EIF3B: variants seen among roughly 807,000 people sequenced by gnomAD.
EIF3B encodes eukaryotic translation initiation factor 3 subunit B, also known as eukaryotic translation initiation factor 3 subunit 9.
EIF3B carries 10 observed loss-of-function variants against 104.6 expected under a neutral mutation model. That is an observed-to-expected ratio of 0.10 (90% CI 0.06 to 0.16). EIF3B has a LOEUF of 0.16. EIF3B is among the 10% of genes least tolerant of loss of function. The pLI is 1.00. For synonymous variants in EIF3B, 542 were observed against 417.2 expected (o/e 1.30, Z -3.65); for missense variants, 1,014 against 1,087.9 (o/e 0.93, Z 0.96).
chr7:2,363,161 A>G, intron 4 of EIF3B, 34 bp downstream of exon 4: 1 of 1,606,790 alleles, frequency 6.2e-7, no homozygotes, highest in Non-Finnish European at 8.5e-7. Flanking sequence ...TCAGTGGTTT[A>G]AAGAAATGCT....
At chr7:2,371,377 T>C (rs1037040704) in intron 10 of EIF3B, among the ~76,000 whole-genome samples, 2 of 152,224 alleles carry the variant, frequency 1.3e-5, no homozygotes, top group East Asian at 1.9e-4. Flanking sequence ...GCAGGACTTC[T>C]TGAAGGTTAT....
Position 2,355,362 on chromosome 7 carries a change from C to A in EIF3B, c.441C>A (p.Asp147Glu). 1 of 1,536,700 alleles carries A rather than the reference C, an allele frequency of 6.5e-7. No individual in the cohort carries two copies. Residue 147 changes from aspartate to glutamate, a missense_variant, in exon 1 of 19, where the codon GAC (aspartate) becomes GAA (glutamate). Asp to Glu is a conservative substitution (Grantham distance 45). Coordinates refer to ENST00000360876, the MANE Select transcript of EIF3B (RefSeq NM_001037283.2). ...EAEPRALENGDADEPSFSDPE... is the reference protein window; with the variant it reads ...EAEPRALENGEADEPSFSDPE... ...AACCCCGGGCGCTGGAGAACGGCGA[C>A]GCGGACGAGCCCTCCTTCAGCGACC...
At position 2,372,678 on chromosome 7, in the gene EIF3B, A is replaced by G. The variant is rs764702745; in HGVS notation, c.1693A>G (p.Ile565Val). ...GTCTGTTTTGTGCATTTTAGAAACC[A>G]TCATAGCCTTTGCCTGGGAACCAAA... ...PVDVVEMKET[I>V]IAFAWEPNGS... Residue 565 changes from isoleucine (I) to valine (V), a missense_variant, in exon 12 of 19, where the codon ATC (isoleucine) becomes GTC (valine). Transcript: ENST00000360876. The G allele has an allele frequency of 1.9e-6, 3 of 1,614,030 alleles. No individual in the cohort carries two copies. Among genetic ancestry groups the G allele is most frequent in the South Asian group, 1.1e-5 (1 of 91,068 alleles).
Position 2,372,770 on chromosome 7 carries a change from A to C in EIF3B, c.1785A>C (p.Lys595Asn). The change falls in exon 12 of 19, where the codon AAA (lysine) becomes AAC (asparagine). Residue 595 changes from lysine to asparagine, a missense_variant. Lys to Asn is a moderately conservative substitution (Grantham distance 94). Around this residue, in one of 4 missense-constraint regions of EIF3B, gnomAD observed 266 missense variants for 324.0 expected, o/e 0.82. Transcript: ENST00000360876. ...TATCTGTGTCTTTCTACCACGTCAA[A>C]AACAACGGGAAGATTGAACTCATCA... The part of the protein sequence containing the change: ...PRISVSFYHV[K>N]NNGKIELIKM... 6.2e-7 allele frequency: 1 copy of C among 1,614,092 alleles called. No homozygotes were observed. Among genetic ancestry groups the C allele is most frequent in the East Asian group, 2.2e-5 (1 of 44,884 alleles).
chr7:2,379,372 T>C lies in EIF3B; in HGVS notation c.2342-22T>C, dbSNP rs76626114. On this transcript the variant is annotated intron_variant, in intron 17 of 18. Transcript: ENST00000360876. ...ACTAGGCATGTGCCCCCATGGGTGATCTGCGCCCTTTGTCCCCTCAGGGGT... is the reference window on the plus strand; with the variant it reads ...ACTAGGCATGTGCCCCCATGGGTGACCTGCGCCCTTTGTCCCCTCAGGGGT... 6.0e-4 allele frequency: 942 copies of C among 1,570,086 alleles called. 2 individuals are homozygous for C. The African/African-American group carries it at 0.011, about 18-fold the overall frequency.
At chr7:2,372,958 C>T (rs1780439533) in intron 12 of EIF3B, among the ~76,000 whole-genome samples, 163 bp downstream of exon 12, 1 of 152,170 alleles carries the variant, frequency 6.6e-6, no homozygotes, top group Admixed American at 6.5e-5. Context: ...GAGCGATGGC[C>T]TGGAGGTGCC....
At position 2,355,240 on chromosome 7, in the gene EIF3B, G is replaced by T. The variant is rs1300965664; in HGVS notation, c.319G>T (p.Ala107Ser). Residue 107 changes from alanine to serine, a missense_variant, in exon 1 of 19, where the codon GCC becomes TCC. Ala to Ser is a moderately conservative substitution (Grantham distance 99). Coordinates refer to ENST00000360876, the MANE Select transcript of EIF3B (RefSeq NM_001037283.2). Reference sequence around the variant, plus strand: ...GCCCCCTGTCCCGGCACAGGGCGAGGCCCCAGGAGAGCAGGCTCGGGACGA... The same window carrying T: ...GCCCCCTGTCCCGGCACAGGGCGAGTCCCCAGGAGAGCAGGCTCGGGACGA... The part of the protein sequence containing the change: ...AEPPVPAQGE[A>S]PGEQARDERS... The T allele has an allele frequency of 6.6e-7, 1 of 1,515,888 alleles. No homozygotes were observed. The highest frequency in any genetic ancestry group is 1.2e-5 in the South Asian group (1 of 81,980). The allele number at this position is 1,515,888 out of a possible 1,614,324, so 93.9% of individuals were successfully genotyped here.
chr7:2,363,525 G>C (rs1403841510), intron 4 of EIF3B, 107 bp from the exon 5 acceptor site: 4 of 991,720 alleles, frequency 4.0e-6, no homozygotes, highest in Admixed American at 2.7e-5. Context: ...GTGTGACTTG[G>C]GAGTTAAGAT....
chr7:2,373,471 C>G (rs975701619), intron 12 of EIF3B: 2 of 152,320 alleles, frequency 1.3e-5, no homozygotes, highest in African/African-American at 4.8e-5. Context: ...TGGCTGCCAG[C>G]TGCCCTCCTG....
chr7:2,368,722 C>T (rs756219046), intron 9 of EIF3B, among the ~76,000 whole-genome samples: 3 of 152,230 alleles, frequency 2.0e-5, no homozygotes, highest in African/African-American at 7.2e-5. Context: ...CCATCCGAGG[C>T]AGGGTTTGGG....
chr7:2,376,945 C>T lies in EIF3B; in HGVS notation c.2029-5C>T. The T allele has an allele frequency of 6.2e-7, 1 of 1,613,144 alleles. No homozygotes were observed. The highest frequency in any genetic ancestry group is 8.5e-7 in the Non-Finnish European group (1 of 1,179,484). On this transcript the variant is annotated splice_polypyrimidine_tract_variant and splice_region_variant and intron_variant, in intron 14 of 18. Transcript: ENST00000360876. ...GTGTCCTGGTGTGTCCCTGCCCTGGCCTAGGTGGACAACGCGTACTGGCTG... is the reference window on the plus strand; with the variant it reads ...GTGTCCTGGTGTGTCCCTGCCCTGGTCTAGGTGGACAACGCGTACTGGCTG...
chr7:2,376,896 C>G, intron 14 of EIF3B, 54 bp from the exon 15 acceptor site: 1 of 1,579,390 alleles, frequency 6.3e-7, no homozygotes. Flanking sequence ...GACATAGTCA[C>G]GGTTGTGGCT....
rs777304349 is a variant in EIF3B at position 2,369,697 on chromosome 7, A to G, written c.1614+15A>G. 20 of 1,602,390 alleles carry G rather than the reference A, an allele frequency of 1.2e-5. No individual in the cohort carries two copies. Among genetic ancestry groups the G allele is most frequent in the Non-Finnish European group, 1.4e-5 (17 of 1,173,320 alleles). On this transcript the variant is annotated intron_variant, in intron 10 of 18. Coordinates refer to ENST00000360876, the MANE Select transcript of EIF3B (RefSeq NM_001037283.2). ...AAGGCACCCAGGTATGTAGATTCCCACAGGAACTGACGATTCCTTATCCTG... is the reference window on the plus strand; with the variant it reads ...AAGGCACCCAGGTATGTAGATTCCCGCAGGAACTGACGATTCCTTATCCTG...
chr7:2,366,605 G>A lies in EIF3B; in HGVS notation c.1356+14G>A. On this transcript the variant is annotated intron_variant, in intron 8 of 18. Transcript: ENST00000360876. ...TATGAAACTCCTGTAAGTGGCCTCA[G>A]TGATGGCAAACGCCCCGTCCGGTCC... is the stretch of plus-strand genomic sequence containing the variant. The A allele has an allele frequency of 6.2e-7, 1 of 1,614,192 alleles. No individual in the cohort carries two copies. Among genetic ancestry groups the A allele is most frequent in the Non-Finnish European group, 8.5e-7 (1 of 1,180,014 alleles).
intron 10 of EIF3B, among the ~76,000 whole-genome samples, chr7:2,370,099 G>A (rs1157117198): frequency 6.6e-6 from 1 of 152,092 alleles, no homozygotes; most frequent in African/African-American, 2.4e-5. Context: ...TTCTTTCTAA[G>A]CACAAGGAGT....
At chr7:2,378,546 G>A (rs1309910179) in intron 15 of EIF3B, 143 bp from the exon 16 acceptor site, 9 of 652,650 alleles carry the variant, frequency 1.4e-5, no homozygotes, top group Non-Finnish European at 1.9e-5. Context: ...TGGGTGTCAT[G>A]GAGAAAGGAG....
rs1372466223 is a variant in EIF3B at position 2,364,545 on chromosome 7, A to G, written c.1157+16A>G. The G allele has an allele frequency of 5.0e-6, 8 of 1,607,380 alleles. No homozygotes were observed. The highest frequency in any genetic ancestry group is 6.8e-6 in the Non-Finnish European group (8 of 1,177,458). On this transcript the variant is annotated intron_variant, in intron 6 of 18. Coordinates refer to ENST00000360876, the MANE Select transcript of EIF3B (RefSeq NM_001037283.2). ...CTTGTGAAAGGTAAGCTGCTAGAAA[A>G]ACACAGGGGAGTCTATGCATTTCAC...
Position 2,366,600 on chromosome 7 carries a change from C to T in EIF3B, c.1356+9C>T. 7 of 1,614,162 alleles carry T rather than the reference C, an allele frequency of 4.3e-6. No individual in the cohort carries two copies. The highest frequency in any genetic ancestry group is 2.2e-5 in the East Asian group (1 of 44,888). ...GCATCTATGAAACTCCTGTAAGTGGCCTCAGTGATGGCAAACGCCCCGTCC... is the reference window on the plus strand; with the variant it reads ...GCATCTATGAAACTCCTGTAAGTGGTCTCAGTGATGGCAAACGCCCCGTCC... On this transcript the variant is annotated intron_variant, in intron 8 of 18. Coordinates refer to ENST00000360876, the MANE Select transcript of EIF3B (RefSeq NM_001037283.2).
At position 2,364,440 on chromosome 7, in the gene EIF3B, C is replaced by A. The variant is rs982369062; in HGVS notation, c.1068C>A (p.Gly356=). The A allele has an allele frequency of 6.2e-7, 1 of 1,613,084 alleles. No individual in the cohort carries two copies. The highest frequency in any genetic ancestry group is 1.3e-5 in the African/African-American group (1 of 75,018). ...GTYLATFHQR[G]IALWGGEKFK... ...ACCTGGCTACCTTTCATCAAAGAGG[C>A]ATTGCTCTATGGGGGGGAGAGAAAT... is the stretch of plus-strand genomic sequence containing the variant. Residue 356 remains glycine (G), a synonymous_variant, in exon 6 of 19, where the codon GGC becomes GGA. Transcript: ENST00000360876.
Sources: gnomAD v4.1 joint callset for allele counts (sites outside exome capture counted in the v4.1 genomes callset) on GRCh38, gnomAD v4.1.1 for gene constraint, gnomAD v4.1.1 regional missense constraint, MANE v1.5 for transcripts, NCBI Gene and HGNC (gene_info 2026-07-23, HGNC 2026-07-21) for gene names.